The following PAXIP1 variants were observed in gnomAD, a reference collection of about 807,000 sequenced individuals.
PAXIP1 encodes PAX interacting protein 1, also known as PAX-interacting protein 1.
In PAXIP1, 19 loss-of-function variants were observed where a neutral mutation model predicts 140.6. That is an observed-to-expected ratio of 0.14 (90% confidence interval 0.09 to 0.20). The LOEUF (loss-of-function observed/expected upper bound fraction) is 0.20, where lower values mean the gene tolerates loss of function less well. Ranked by LOEUF, PAXIP1 falls within the 10% of genes least tolerant of loss-of-function variation. PAXIP1 has a pLI of 1.00. For missense variants in PAXIP1, 920 were observed against 1,208.6 expected (o/e 0.76, Z 3.54); for synonymous variants, 442 against 444.6 (o/e 0.99, Z 0.07).
intron 17 of PAXIP1, 51 bp downstream of exon 17, chr7:154,947,852 G>T: frequency 7.8e-7 from 1 of 1,275,998 alleles, no homozygotes; most frequent in Non-Finnish European, 1.1e-6. Context: ...CCTTGAGCAG[G>T]TCCGTGTGTT....
chr7:154,966,864 C>T (rs963459409), intron 8 of PAXIP1, among the ~76,000 whole-genome samples: 9 of 152,234 alleles, frequency 5.9e-5, no homozygotes, highest in African/African-American at 2.2e-4. Context: ...GCTCCTGCCC[C>T]AACCCCTGCC....
At position 154,944,055 on chromosome 7, in the gene PAXIP1, A is replaced by G; in HGVS notation, c.*94T>C. On this transcript the variant is annotated 3_prime_UTR_variant, in exon 21 of 21. Transcript: ENST00000404141. The stretch of plus-strand genomic sequence containing the variant: ...GATCCCCCAGGAAAGCAGCTGGAAA[A>G]CAAGAGCATGTGAAGGAAGCGCAGC... The G allele has an allele frequency of 8.4e-6, 10 of 1,183,854 alleles. No individual in the cohort carries two copies. The South Asian group carries it at 1.3e-4, about 15-fold the overall frequency. The allele number at this position is 1,183,854 out of a possible 1,614,324, so 73.3% of individuals were successfully genotyped here.
rs761931932 is a variant in PAXIP1 at position 155,002,887 on chromosome 7, C to T, written c.43G>A (p.Glu15Lys). 1.4e-6 allele frequency: 2 copies of T among 1,412,410 alleles called. No homozygotes were observed. The highest frequency in any genetic ancestry group is 1.5e-5 in the African/African-American group (1 of 66,876). 87.5% of individuals were successfully genotyped at this position (1,412,410 alleles called of 1,614,324 possible). The change falls in exon 1 of 21, where the codon GAG becomes AAG. Residue 15 changes from glutamate to lysine, a missense_variant. Transcript: ENST00000404141. ...TCGCCCACCGCGTAATACTTGACCT[C>T]CCTGAACATCTCCTCAGGAACTTTG... Reference protein sequence around the residue: ...APKVPEEMFREVKYYAVGDID... With the variant: ...APKVPEEMFRKVKYYAVGDID...
chr7:154,950,307 TAAAATGCAAAACTATGAAACTCCTAG>T, intron 16 of PAXIP1: 1 of 152,244 alleles, frequency 6.6e-6, no homozygotes, highest in Non-Finnish European at 1.5e-5. Context: ...GACCTAAATG[TAAAATGCAAAACTATGAAACTCCTAG>T]AAGATAACAC....
rs186345514 is a variant in PAXIP1 at position 154,958,247 on chromosome 7, C to T, written c.2479-953G>A. On this transcript the variant is annotated intron_variant, in intron 13 of 20. Transcript: ENST00000404141. ...AAGAGAGCAGGAAGGAGATGGGATTCCCTTGTGGGGTCCCTACCACAGTCA... is the reference window on the plus strand; with the variant it reads ...AAGAGAGCAGGAAGGAGATGGGATTTCCTTGTGGGGTCCCTACCACAGTCA... Among the ~76,000 whole-genome samples, 9 of 152,278 alleles carry T rather than the reference C, an allele frequency of 5.9e-5. No homozygotes were observed. The East Asian group carries it at 1.7e-3, about 29-fold the overall frequency.
At position 154,962,354 on chromosome 7, in the gene PAXIP1, G is replaced by A. The variant is rs947003638; in HGVS notation, c.2094C>T (p.Ala698=). Residue 698 remains alanine, a synonymous_variant, in exon 10 of 21, where the codon GCC becomes GCT. Coordinates refer to ENST00000404141, the MANE Select transcript of PAXIP1 (RefSeq NM_007349.4). ...AACATGGCTTTCCTCCTGGTGGGAA[G>A]GCCACTGGGAAGTGAAGGGCTCGGT... The part of the protein sequence containing the change: ...PPHRALHFPV[A]FPPGGKPCSQ... The A allele has an allele frequency of 1.1e-5, 18 of 1,613,784 alleles. No individual in the cohort carries two copies. Among genetic ancestry groups the A allele is most frequent in the African/African-American group, 1.3e-5 (1 of 74,902 alleles).
chr7:154,992,896 C>G (rs1012230821), intron 3 of PAXIP1, among the ~76,000 whole-genome samples: 1 of 152,194 alleles, frequency 6.6e-6, no homozygotes, highest in African/African-American at 2.4e-5. Context: ...TTCCTTCCAT[C>G]TGCATTGATT....
chr7:154,953,385 G>C (rs912394958), intron 16 of PAXIP1, among the ~76,000 whole-genome samples: 1 of 152,222 alleles, frequency 6.6e-6, no homozygotes, highest in Non-Finnish European at 1.5e-5. Flanking sequence ...CTACATGATG[G>C]AGTAGCCAGG....
chr7:154,987,322 A>G (rs1043010823), intron 4 of PAXIP1, among the ~76,000 whole-genome samples: 2 of 152,188 alleles, frequency 1.3e-5, no homozygotes, highest in Non-Finnish European at 2.9e-5. Context: ...CTACCAATTT[A>G]TGCTCTAAAT....
At chr7:154,994,094 C>T (rs1419753616) in intron 2 of PAXIP1, among the ~76,000 whole-genome samples, 5 of 152,122 alleles carry the variant, frequency 3.3e-5, no homozygotes, top group South Asian at 4.1e-4. Flanking sequence ...CCACCACCGC[C>T]GACACCTCAT....
rs767291592 is a variant in PAXIP1, at chr7:154,975,672, T to C, written c.1074+24A>G. On this transcript the variant is annotated intron_variant, in intron 6 of 20. Transcript: ENST00000404141. ...CCAATTCTAAGATCCAATACTGACA[T>C]TTTTTTCGGAAAGAGTGACTTACAT... The C allele has an allele frequency of 3.3e-6, 5 of 1,509,858 alleles. No homozygotes were observed. The East Asian group carries it at 1.1e-4, about 34-fold the overall frequency. The allele number at this position is 1,509,858 out of a possible 1,614,324, so 93.5% of individuals were successfully genotyped here. A position where few individuals can be genotyped will look rare whatever the true frequency, so the allele number is the denominator to read the frequency against.
Position 154,968,908 on chromosome 7 carries a change from C to T in PAXIP1, c.1293G>A (p.Gln431=), listed in dbSNP as rs1301755895. 7.9e-7 allele frequency: 1 copy of T among 1,262,584 alleles called. No individual in the cohort carries two copies. The allele number at this position is 1,262,584 out of a possible 1,614,324, so 78.2% of individuals were successfully genotyped here. The change falls in exon 7 of 21, where the codon CAG becomes CAA. Residue 431 remains glutamine (Q), a synonymous_variant. Transcript: ENST00000404141. The stretch of plus-strand genomic sequence containing the variant: ...AAGGTTGCTGAGAGATCTGCTGCTG[C>T]TGCTGCTGCTGGAGCTGCATTATCT... The part of the protein sequence containing the change: ...PQQIMQLQQQ[Q]QQQISQQPYP...
intron 8 of PAXIP1, chr7:154,964,541 C>T (rs1585051236): frequency 6.6e-6 from 1 of 152,338 alleles, no homozygotes; most frequent in East Asian, 1.9e-4. Context: ...ACCACAGGTT[C>T]CTCACCCATC....
intron 5 of PAXIP1, among the ~76,000 whole-genome samples, chr7:154,977,064 A>G (rs1809614372): frequency 6.6e-6 from 1 of 152,184 alleles, no homozygotes; most frequent in South Asian, 2.1e-4. Flanking sequence ...CTGGGGCACA[A>G]ATGATGACAA....
chr7:154,969,196 A>C, intron 6 of PAXIP1, 70 bp from the exon 7 acceptor site: 1 of 1,408,432 alleles, frequency 7.1e-7, no homozygotes, highest in Non-Finnish European at 9.3e-7. Context: ...TTTCTTAGTC[A>C]AGAGAATGGC....
intron 12 of PAXIP1, among the ~76,000 whole-genome samples, chr7:154,960,469 G>A (rs1267078778): frequency 1.3e-5 from 2 of 152,206 alleles, no homozygotes; most frequent in Non-Finnish European, 2.9e-5. Context: ...TGAGAGGCAA[G>A]ACTATCAAAA....
intron 5 of PAXIP1, among the ~76,000 whole-genome samples, chr7:154,977,303 TC>T (rs533640306): frequency 9.2e-5 from 14 of 152,214 alleles, no homozygotes; most frequent in Non-Finnish European, 1.9e-4. Flanking sequence ...TTGGCTGTGC[TC>T]CTAAAAGCTT....
intron 16 of PAXIP1, among the ~76,000 whole-genome samples, chr7:154,953,861 T>C (rs978202306): frequency 6.6e-6 from 1 of 152,204 alleles, no homozygotes. Flanking sequence ...TCCCTCCTTA[T>C]ATAAACTGAT....
intron 1 of PAXIP1, 64 bp downstream of exon 1, chr7:155,002,785 C>CGGGGACGGGG (rs1257500632): frequency 2.2e-6 from 2 of 929,472 alleles, no homozygotes; most frequent in African/African-American, 1.8e-5. Context: ...GGGACGGGGA[C>CGGGGACGGGG]GGGGACGGGG....
Sources: allele counts gnomAD v4.1 joint callset (sites outside exome capture counted in the v4.1 genomes callset), GRCh38; gene constraint gnomAD v4.1.1; transcripts MANE v1.5; gene names NCBI Gene and HGNC (gene_info 2026-07-23, HGNC 2026-07-21).